The following C4BPA variants were observed in gnomAD, a reference collection of about 807,000 sequenced individuals.
C4BPA encodes C4b-binding protein alpha chain.
In C4BPA, 31 loss-of-function variants were observed where a neutral mutation model predicts 63.7. The ratio of observed to expected loss-of-function variants is 0.49; its 90% CI spans 0.37 to 0.66. The LOEUF is 0.66. C4BPA is among the 30% of genes least tolerant of loss of function. C4BPA has a pLI of 0.00. For missense variants in C4BPA, 572 were observed against 723.3 expected, an observed-to-expected ratio of 0.79 and a Z score of 2.40; for synonymous variants, 259 against 254.7, an observed-to-expected ratio of 1.02 and a Z score of -0.16.
chr1:207,132,179 G>C (rs1685174074), intron 8 of C4BPA, among the ~76,000 whole-genome samples: 1 of 152,156 alleles, frequency 6.6e-6, no homozygotes, highest in Non-Finnish European at 1.5e-5. Flanking sequence ...CATGTCTCTT[G>C]AACCATGAGA....
chr1:207,107,058 G>A (rs1287663865), intron 1 of C4BPA, among the ~76,000 whole-genome samples: 1 of 152,156 alleles, frequency 6.6e-6, no homozygotes, highest in East Asian at 1.9e-4. Flanking sequence ...ACAAAACAAT[G>A]CTACAATTAA....
At chr1:207,134,334 G>A in intron 8 of C4BPA, 70 bp from the exon 9 acceptor site, 1 of 1,108,468 alleles carries the variant, frequency 9.0e-7, no homozygotes, top group Non-Finnish European at 1.3e-6. Flanking sequence ...AGATGGAAAT[G>A]AGGTTGTTAG....
At chr1:207,121,411 C>T (rs371615166) in intron 4 of C4BPA, among the ~76,000 whole-genome samples, 236 of 151,612 alleles carry the variant, frequency 1.6e-3, no homozygotes, top group African/African-American at 5.4e-3. Context: ...GTTCTGATGT[C>T]CAACTTATGG....
At chr1:207,106,859 A>G (rs989050886) in intron 1 of C4BPA, among the ~76,000 whole-genome samples, 3 of 152,242 alleles carry the variant, frequency 2.0e-5, no homozygotes, top group East Asian at 1.9e-4. Flanking sequence ...CTGCATCTGC[A>G]AAAAAGCAGA....
At chr1:207,124,911 C>G (rs915351689) in intron 6 of C4BPA, among the ~76,000 whole-genome samples, 2 of 152,192 alleles carry the variant, frequency 1.3e-5, no homozygotes, top group African/African-American at 4.8e-5. Flanking sequence ...GGAATGTAGC[C>G]TTGGTCTGTT....
chr1:207,141,976 T>C lies in C4BPA; in HGVS notation c.1444+700T>C, dbSNP rs565721913. ...GATGACATGTACAGAACATGCAGTTTTGTTACAAAAGTATACATGTGCCCT... is the reference window on the plus strand; with the variant it reads ...GATGACATGTACAGAACATGCAGTTCTGTTACAAAAGTATACATGTGCCCT... On this transcript the variant is annotated intron_variant, in intron 10 of 11. Transcript: ENST00000367070. 1.1e-4 allele frequency among the ~76,000 whole-genome samples: 16 copies of C among 152,344 alleles called. 1 individual carries two copies. In the South Asian group the frequency reaches 3.1e-3, roughly 30 times the overall value.
chr1:207,129,143 CAGTA>C (rs1343937498), intron 7 of C4BPA, among the ~76,000 whole-genome samples: 1 of 151,582 alleles, frequency 6.6e-6, no homozygotes, highest in African/African-American at 2.4e-5. Flanking sequence ...TTGAAAAACA[CAGTA>C]AGTAAAATGA....
chr1:207,112,616 G>A (rs1374996946), intron 1 of C4BPA, among the ~76,000 whole-genome samples: 6 of 152,096 alleles, frequency 3.9e-5, no homozygotes, highest in South Asian at 2.1e-4. Flanking sequence ...TAAACTTGAC[G>A]TTTACATCCC....
At chr1:207,123,543 G>C (rs1474612305) in intron 4 of C4BPA, among the ~76,000 whole-genome samples, 1 of 152,208 alleles carries the variant, frequency 6.6e-6, no homozygotes, top group Non-Finnish European at 1.5e-5. Flanking sequence ...ACACCCACCT[G>C]GAAGTCAGAG....
At chr1:207,126,276 TC>T (rs1685042413) in intron 6 of C4BPA, among the ~76,000 whole-genome samples, 1 of 147,906 alleles carries the variant, frequency 6.8e-6, no homozygotes, top group Non-Finnish European at 1.5e-5. Flanking sequence ...ATATATTATA[TC>T]AAATATAAAA....
chr1:207,142,771 A>G (rs185580555), intron 10 of C4BPA, among the ~76,000 whole-genome samples: 4 of 152,204 alleles, frequency 2.6e-5, no homozygotes, highest in Admixed American at 6.5e-5. Context: ...TGTGAGTGAC[A>G]GTTACCTCGT....
chr1:207,119,017 G>GGAATTCATTCCAGTTT (rs1251641887), intron 4 of C4BPA, among the ~76,000 whole-genome samples: 8 of 115,474 alleles, frequency 6.9e-5, no homozygotes, highest in African/African-American at 8.2e-5. Flanking sequence ...GACATGAACT[G>GGAATTCATTCCAGTTT]AGTGCTTCAA....
intron 1 of C4BPA, among the ~76,000 whole-genome samples, chr1:207,107,672 A>G (rs1004042409): frequency 6.6e-6 from 1 of 152,218 alleles, no homozygotes; most frequent in Non-Finnish European, 1.5e-5. Flanking sequence ...GGAAACTGGG[A>G]ACCATGAATG....
At chr1:207,136,236 A>G (rs1424980941) in intron 9 of C4BPA, among the ~76,000 whole-genome samples, 2 of 152,228 alleles carry the variant, frequency 1.3e-5, no homozygotes, top group African/African-American at 4.8e-5. Flanking sequence ...TCTTCCATGC[A>G]TGCCACCACA....
chr1:207,122,599 G>A (rs944982745), intron 4 of C4BPA, among the ~76,000 whole-genome samples: 6 of 151,980 alleles, frequency 3.9e-5, no homozygotes, highest in African/African-American at 1.2e-4. Context: ...TTGAGTCAAG[G>A]TCTCACTCCC....
rs1317661534 is a variant in C4BPA at position 207,119,826 on chromosome 1, G to A, written c.429-4096G>A. On this transcript the variant is annotated intron_variant, in intron 4 of 11. Coordinates refer to ENST00000367070, the MANE Select transcript of C4BPA (RefSeq NM_000715.4). ...TCCTTGTTTATGCAACTGGTCATGT[G>A]GTTGTAGCAGATATTTATAACGATG... Among the ~76,000 whole-genome samples the A allele has an allele frequency of 6.9e-5, 2 of 29,126 alleles. 1 individual carries two copies. Among genetic ancestry groups the A allele is most frequent in the Non-Finnish European group, 2.5e-4 (2 of 7,910 alleles). The allele number at this position is 29,126 out of a possible 152,430, so 19.1% of individuals were successfully genotyped here. A position where few individuals can be genotyped will look rare whatever the true frequency, so the allele number is the denominator to read the frequency against.
intron 1 of C4BPA, among the ~76,000 whole-genome samples, chr1:207,107,684 T>G (rs933860997): frequency 2.0e-5 from 3 of 152,218 alleles, no homozygotes; most frequent in Admixed American, 2.0e-4. Flanking sequence ...CCATGAATGT[T>G]TTTAAGCAGA....
At chr1:207,116,715 T>C (rs562637076) in intron 4 of C4BPA, among the ~76,000 whole-genome samples, 1 of 152,136 alleles carries the variant, frequency 6.6e-6, no homozygotes, top group Non-Finnish European at 1.5e-5. Context: ...AAATCGCCTA[T>C]ATTTCCTCTA....
Position 207,133,388 on chromosome 1 carries a change from A to C in C4BPA, c.1085-1016A>C, listed in dbSNP as rs569963571. Among the ~76,000 whole-genome samples, 6 of 152,244 alleles carry C rather than the reference A, an allele frequency of 3.9e-5. 1 individual carries two copies. In the South Asian group the frequency reaches 6.2e-4, roughly 16 times the overall value. ...GTTTTGATGTTTTCTCTTACATCAG[A>C]CAATAGCAAGTTTTTTCTTAAAGTA... On this transcript the variant is annotated intron_variant, in intron 8 of 11. Coordinates refer to ENST00000367070, the MANE Select transcript of C4BPA (RefSeq NM_000715.4).
Sources: allele counts gnomAD v4.1 joint callset (sites outside exome capture counted in the v4.1 genomes callset), GRCh38; gene constraint gnomAD v4.1.1; transcripts MANE v1.5; gene names NCBI Gene and HGNC (gene_info 2026-07-23, HGNC 2026-07-21).